The following FAM13C variants were observed in gnomAD, a reference collection of about 807,000 sequenced individuals.
FAM13C encodes the protein protein FAM13C.
FAM13C carries 37 observed loss-of-function variants against 73.2 expected under a neutral mutation model. That is an observed-to-expected ratio of 0.51 (90% CI 0.39 to 0.67). The LOEUF (loss-of-function observed/expected upper bound fraction) is 0.67. FAM13C is among the 30% of genes least tolerant of loss of function. The pLI is 0.00. For synonymous variants in FAM13C, 246 were observed against 260.9 expected (o/e 0.94, Z 0.55); for missense variants, 589 against 715.6 (o/e 0.82, Z 2.02).
At chr10:59,299,760 T>A (rs1049245181) in intron 5 of FAM13C, among the ~76,000 whole-genome samples, 1 of 152,106 alleles carries the variant, frequency 6.6e-6, no homozygotes, top group African/African-American at 2.4e-5. Context: ...GTCTAGAATA[T>A]TTTCCAGTCA....
chr10:59,300,920 T>C (rs1847525804), intron 5 of FAM13C: 1 of 152,250 alleles, frequency 6.6e-6, no homozygotes, highest in Admixed American at 6.5e-5. Flanking sequence ...ACCTATGACC[T>C]GTGCACTTTT....
intron 3 of FAM13C, among the ~76,000 whole-genome samples, chr10:59,337,661 C>CTTTTTCTTTTTTT (rs1852895864): frequency 1.2e-5 from 1 of 84,376 alleles, no homozygotes; most frequent in Admixed American, 1.5e-4. Flanking sequence ...TCTTTTTTTT[C>CTTTTTCTTTTTTT]TTTTTCTTTT....
chr10:59,286,055 T>G (rs527942420), intron 5 of FAM13C, among the ~76,000 whole-genome samples: 1 of 152,346 alleles, frequency 6.6e-6, no homozygotes, highest in African/African-American at 2.4e-5. Flanking sequence ...AACGTGGTTA[T>G]GCACATACAA....
At chr10:59,344,089 G>C (rs1471446852) in intron 3 of FAM13C, among the ~76,000 whole-genome samples, 1 of 150,468 alleles carries the variant, frequency 6.6e-6, no homozygotes, top group African/African-American at 2.4e-5. Context: ...AGCTTCCCGA[G>C]TAGCTGGGAC....
rs147622249 is a variant in FAM13C, at chr10:59,349,684, G to A, written c.324+2586C>T. On this transcript the variant is annotated intron_variant, in intron 3 of 13. Transcript: ENST00000618804. ...AGGTTGAGGCAGGAGGATCCCTTGA[G>A]CCTGGGAGGCGGAGGTTGCAGTGAG... 7.2e-3 allele frequency among the ~76,000 whole-genome samples: 1,099 copies of A among 152,196 alleles called. 6 individuals are homozygous for A. Among genetic ancestry groups the A allele is most frequent in the Non-Finnish European group, 0.012 (820 of 68,006 alleles).
At chr10:59,308,193 T>C (rs1029543965) in intron 4 of FAM13C, among the ~76,000 whole-genome samples, 15 of 152,176 alleles carry the variant, frequency 9.9e-5, no homozygotes, top group African/African-American at 3.6e-4. Context: ...CTAACTCCAG[T>C]GTAAGCTTGT....
intron 3 of FAM13C, among the ~76,000 whole-genome samples, chr10:59,350,907 CA>C (rs1011895637): frequency 1.3e-5 from 2 of 152,048 alleles, no homozygotes; most frequent in Non-Finnish European, 2.9e-5. Context: ...TAAATGTTAA[CA>C]AAAAAGCAAA....
At chr10:59,344,348 G>A (rs1317713505) in intron 3 of FAM13C, among the ~76,000 whole-genome samples, 4 of 147,922 alleles carry the variant, frequency 2.7e-5, no homozygotes, top group Non-Finnish European at 5.9e-5. Flanking sequence ...GCGCGATCTC[G>A]GCTCACTGCA....
At chr10:59,272,861 G>A (rs1313461687) in intron 6 of FAM13C, among the ~76,000 whole-genome samples, 1 of 152,166 alleles carries the variant, frequency 6.6e-6, no homozygotes, top group Non-Finnish European at 1.5e-5. Context: ...TGAAACCACA[G>A]AGCGCATCAA....
intron 3 of FAM13C, among the ~76,000 whole-genome samples, chr10:59,324,422 A>C (rs1214808594): frequency 6.6e-6 from 1 of 152,180 alleles, no homozygotes; most frequent in East Asian, 1.9e-4. Context: ...GAATAGATAC[A>C]TCTGAAAAGA....
At chr10:59,356,061 T>G in intron 1 of FAM13C, 118 bp from the exon 2 acceptor site, 1 of 901,684 alleles carries the variant, frequency 1.1e-6, no homozygotes, top group Non-Finnish European at 1.8e-6. Flanking sequence ...ACACTCCCTA[T>G]CATTCTCTCC....
At chr10:59,335,092 A>T (rs1031848876) in intron 3 of FAM13C, among the ~76,000 whole-genome samples, 15 of 152,192 alleles carry the variant, frequency 9.9e-5, no homozygotes, top group African/African-American at 2.9e-4. Flanking sequence ...CTTTCATTTT[A>T]TCAAAGGCTG....
chr10:59,303,134 A>G (rs115211905), intron 4 of FAM13C, among the ~76,000 whole-genome samples: 2,607 of 152,250 alleles, frequency 0.017, 79 homozygotes, highest in African/African-American at 0.059. Flanking sequence ...TTCCTTGAAC[A>G]GGTAGTGCTT....
At position 59,256,453 on chromosome 10, in the gene FAM13C, A is replaced by G. The variant is rs962588048; in HGVS notation, c.1237-2010T>C. Among the ~76,000 whole-genome samples, 13 of 152,238 alleles carry G rather than the reference A, an allele frequency of 8.5e-5. 1 individual carries two copies. The highest frequency in any genetic ancestry group is 3.3e-4 in the Admixed American group (5 of 15,282). On this transcript the variant is annotated intron_variant, in intron 10 of 13. Coordinates refer to ENST00000618804, the MANE Select transcript of FAM13C (RefSeq NM_198215.4). ...ATGATGAATGCCATTATAGAAAACT[A>G]TCTTCCACAGATGCCAGACAAAAAT...
At chr10:59,259,794 T>C (rs1842312769) in intron 10 of FAM13C, among the ~76,000 whole-genome samples, 1 of 152,152 alleles carries the variant, frequency 6.6e-6, no homozygotes, top group East Asian at 1.9e-4. Context: ...TCTCTGATCT[T>C]CCGACTCTCA....
At chr10:59,322,111 A>T (rs1039956552) in intron 4 of FAM13C, among the ~76,000 whole-genome samples, 1 of 152,190 alleles carries the variant, frequency 6.6e-6, no homozygotes, top group African/African-American at 2.4e-5. Flanking sequence ...GGTTATCAGG[A>T]ATGTGAGCTA....
intron 3 of FAM13C, among the ~76,000 whole-genome samples, chr10:59,341,279 T>C (rs1691701008): frequency 6.6e-6 from 1 of 152,168 alleles, no homozygotes; most frequent in African/African-American, 2.4e-5. Flanking sequence ...CAGAATGACC[T>C]TTCCTATTAG....
chr10:59,333,591 A>C (rs930723901), intron 3 of FAM13C, among the ~76,000 whole-genome samples: 7 of 152,360 alleles, frequency 4.6e-5, no homozygotes, highest in African/African-American at 1.7e-4. Flanking sequence ...TTGGGGGCTG[A>C]GAAGGCAAAC....
intron 4 of FAM13C, among the ~76,000 whole-genome samples, chr10:59,305,625 A>G (rs1848164278): frequency 6.8e-6 from 1 of 147,194 alleles, no homozygotes; most frequent in Non-Finnish European, 1.5e-5. Flanking sequence ...TCTTAAGAAT[A>G]CAATTTTTTT....
Sources: allele counts gnomAD v4.1 joint callset (sites outside exome capture counted in the v4.1 genomes callset), GRCh38; gene constraint gnomAD v4.1.1; transcripts MANE v1.5; gene names NCBI Gene and HGNC (gene_info 2026-07-23, HGNC 2026-07-21).